Variants in ERICH3 observed in about 807,000 individuals in gnomAD.
ERICH3 encodes glutamate rich 3.
Under a neutral mutation model 131.1 loss-of-function variants are expected in ERICH3, and 126 were observed. That is an observed-to-expected ratio of 0.96 (90% CI 0.83 to 1.11). The LOEUF (loss-of-function observed/expected upper bound fraction) is 1.11. ERICH3 is among the 50% of genes most tolerant of loss of function. ERICH3 has a pLI of 0.00. For missense variants in ERICH3, 2,050 were observed against 1,810.7 expected (o/e 1.13, Z -2.40); for synonymous variants, 695 against 644.6 (o/e 1.08, Z -1.18).
chr1:74,663,579 C>T (rs944564674), intron 1 of ERICH3, among the ~76,000 whole-genome samples: 3 of 143,634 alleles, frequency 2.1e-5, no homozygotes, highest in Non-Finnish European at 4.5e-5. Flanking sequence ...AAAGGAAAGT[C>T]TAATGGAAGG....
chr1:74,643,398 C>T (rs1452050688), intron 3 of ERICH3, among the ~76,000 whole-genome samples: 5 of 151,888 alleles, frequency 3.3e-5, no homozygotes, highest in Non-Finnish European at 7.4e-5. Flanking sequence ...CACAAAGATG[C>T]TATCTGAAAG....
Position 74,673,567 on chromosome 1 carries a change from G to A in ERICH3, c.-48C>T. The A allele has an allele frequency of 1.2e-6, 2 of 1,602,102 alleles. No individual in the cohort carries two copies. The highest frequency in any genetic ancestry group is 1.7e-6 in the Non-Finnish European group (2 of 1,174,474). On this transcript the variant is annotated 5_prime_UTR_variant, in exon 1 of 15. Coordinates refer to ENST00000326665, the MANE Select transcript of ERICH3 (RefSeq NM_001002912.5). ...CCCGCGGCAGGTGCGGAGGGTGGGT[G>A]CGTGGGGCCCCGTGCGCGCTGGCGC...
intron 12 of ERICH3, 155 bp downstream of exon 12, chr1:74,589,476 T>G: frequency 1.4e-6 from 1 of 719,720 alleles, no homozygotes. Flanking sequence ...TGAAAATACA[T>G]GTATGATTAT....
At chr1:74,596,201 T>C (rs1647840663) in intron 11 of ERICH3, among the ~76,000 whole-genome samples, 1 of 152,034 alleles carries the variant, frequency 6.6e-6, no homozygotes, top group Non-Finnish European at 1.5e-5. Flanking sequence ...TAGAAAAAAA[T>C]GACTTCAAGT....
Position 74,572,917 on chromosome 1 carries a change from T to G in ERICH3, c.2793A>C (p.Gly931=). ...ALREAATSEE[G]EAEGGVAVSD... is the part of the protein sequence containing the mutation. ...TCACAGCCACCCCACCCTCAGCCTC[T>G]CCCTCCTCCGATGTCGCTGCCTCTC... The change falls in exon 14 of 15, where the codon GGA becomes GGC. Residue 931 remains glycine (G), a synonymous_variant. Coordinates refer to ENST00000326665, the MANE Select transcript of ERICH3 (RefSeq NM_001002912.5). The G allele has an allele frequency of 1.2e-6, 2 of 1,613,888 alleles. No individual in the cohort carries two copies. Among genetic ancestry groups the G allele is most frequent in the Non-Finnish European group, 1.7e-6 (2 of 1,179,980 alleles).
chr1:74,614,041 T>C (rs1320576317), intron 8 of ERICH3, among the ~76,000 whole-genome samples: 1 of 152,168 alleles, frequency 6.6e-6, no homozygotes, highest in Non-Finnish European at 1.5e-5. Context: ...CAGCATCACC[T>C]AGAGGGCTTG....
intron 9 of ERICH3, 124 bp downstream of exon 9, chr1:74,612,499 A>G: frequency 1.3e-6 from 1 of 772,150 alleles, no homozygotes; most frequent in Non-Finnish European, 1.9e-6. Flanking sequence ...CCCTGAACCT[A>G]GATATTGTAG....
chr1:74,604,418 C>T (rs538551987), intron 10 of ERICH3, among the ~76,000 whole-genome samples: 2 of 152,070 alleles, frequency 1.3e-5, no homozygotes, highest in South Asian at 4.1e-4. Context: ...CATGAATGTT[C>T]TTAATGGCAT....
At chr1:74,626,248 G>C (rs1350058252) in intron 7 of ERICH3, 2 of 152,152 alleles carry the variant, frequency 1.3e-5, no homozygotes, top group Non-Finnish European at 2.9e-5. Flanking sequence ...AGAAATTATA[G>C]ATTTTGAGGC....
At position 74,576,189 on chromosome 1, in the gene ERICH3, T is replaced by G. The variant is rs565028756; in HGVS notation, c.2218+706A>C. On this transcript the variant is annotated intron_variant, in intron 13 of 14. Transcript: ENST00000326665. Reference sequence around the variant, plus strand: ...ATCCTTTGACAGTAAATGAGATAATTTATGTAAAATGCTTAGCATAGTGCC... The same window carrying G: ...ATCCTTTGACAGTAAATGAGATAATGTATGTAAAATGCTTAGCATAGTGCC... Among the ~76,000 whole-genome samples the G allele has an allele frequency of 2.0e-5, 3 of 152,298 alleles. No individual in the cohort carries two copies. The East Asian group carries it at 5.8e-4, about 29-fold the overall frequency.
At chr1:74,662,120 A>G (rs555831437) in intron 1 of ERICH3, among the ~76,000 whole-genome samples, 13 of 152,262 alleles carry the variant, frequency 8.5e-5, no homozygotes, top group African/African-American at 2.6e-4. Flanking sequence ...CTGTCACAGC[A>G]TTCTCAAGTT....
rs1234099073 is a variant in ERICH3, at chr1:74,571,156, G to A, written c.4554C>T (p.Ser1518=). The A allele has an allele frequency of 6.2e-7, 1 of 1,613,972 alleles. No individual in the cohort carries two copies. The highest frequency in any genetic ancestry group is 1.3e-5 in the African/African-American group (1 of 75,000). The part of the protein sequence containing the change: ...EKQQHMVQGE[S]ETADVSPNNV... The stretch of plus-strand genomic sequence containing the variant: ...TGTTGGGGGAAACATCTGCAGTCTC[G>A]CTTTCTCCTTGCACCATATGCTGTT... The change falls in exon 14 of 15, where the codon AGC becomes AGT. Residue 1518 remains serine (S), a synonymous_variant. Coordinates refer to ENST00000326665, the MANE Select transcript of ERICH3 (RefSeq NM_001002912.5).
At chr1:74,588,856 A>C (rs2100559648) in intron 12 of ERICH3, among the ~76,000 whole-genome samples, 1 of 152,296 alleles carries the variant, frequency 6.6e-6, no homozygotes, top group Admixed American at 6.5e-5. Flanking sequence ...TTCCATGTCA[A>C]ATGAACAATC....
intron 1 of ERICH3, among the ~76,000 whole-genome samples, chr1:74,652,458 C>T (rs534197438): frequency 6.6e-6 from 1 of 152,154 alleles, no homozygotes; most frequent in Non-Finnish European, 1.5e-5. Context: ...GCTCACTGAC[C>T]AACACAAACT....
At chr1:74,666,181 T>C (rs1646690393) in intron 1 of ERICH3, among the ~76,000 whole-genome samples, 1 of 152,084 alleles carries the variant, frequency 6.6e-6, no homozygotes, top group Admixed American at 6.5e-5. Flanking sequence ...ATGCTTTTAC[T>C]GTCAGAAAAA....
chr1:74,594,405 A>G (rs1230438200), intron 11 of ERICH3, among the ~76,000 whole-genome samples: 1 of 151,824 alleles, frequency 6.6e-6, no homozygotes, highest in Non-Finnish European at 1.5e-5. Context: ...CAAAGTCAAC[A>G]CCAGTCCAGC....
chr1:74,579,931 A>G (rs1460789786), intron 12 of ERICH3: 1 of 946,054 alleles, frequency 1.1e-6, no homozygotes, highest in Non-Finnish European at 1.3e-6. Context: ...TTTTCACTCA[A>G]ATGATATAAT....
chr1:74,571,150 A>C lies in ERICH3; in HGVS notation c.4560T>G (p.Thr1520=), dbSNP rs1364092458. 1.2e-6 allele frequency: 2 copies of C among 1,613,854 alleles called. No homozygotes were observed. The highest frequency in any genetic ancestry group is 2.7e-5 in the African/African-American group (2 of 74,916). The change falls in exon 14 of 15, where the codon ACT becomes ACG. Residue 1520 remains threonine, a synonymous_variant. Coordinates refer to ENST00000326665, the MANE Select transcript of ERICH3 (RefSeq NM_001002912.5). The part of the protein sequence containing the change: ...QQHMVQGESE[T]ADVSPNNVQV Reference sequence around the variant, plus strand: ...GCACGTTGTTGGGGGAAACATCTGCAGTCTCGCTTTCTCCTTGCACCATAT... The same window carrying C: ...GCACGTTGTTGGGGGAAACATCTGCCGTCTCGCTTTCTCCTTGCACCATAT...
chr1:74,650,733 G>A lies in ERICH3; in HGVS notation c.24-1418C>T, dbSNP rs968154326. ...ACAGCATGCAATTTAAAACTTATACGTTGTTTATTTCTGGAATTTTTCCAT... is the reference window on the plus strand; with the variant it reads ...ACAGCATGCAATTTAAAACTTATACATTGTTTATTTCTGGAATTTTTCCAT... On this transcript the variant is annotated intron_variant, in intron 1 of 14. Transcript: ENST00000326665. Among the ~76,000 whole-genome samples the A allele has an allele frequency of 2.6e-5, 4 of 152,002 alleles. No individual in the cohort carries two copies. In the East Asian group the frequency reaches 5.8e-4, roughly 22 times the overall value.
Sources: allele counts gnomAD v4.1 joint callset (sites outside exome capture counted in the v4.1 genomes callset), GRCh38; gene constraint gnomAD v4.1.1; transcripts MANE v1.5; gene names NCBI Gene and HGNC (gene_info 2026-07-23, HGNC 2026-07-21).